The following PTPN4 variants were observed in gnomAD, a reference collection of about 807,000 sequenced individuals.
PTPN4 encodes tyrosine-protein phosphatase non-receptor type 4.
PTPN4 carries 49 observed loss-of-function variants against 135.5 expected under a neutral mutation model. The ratio of observed to expected loss-of-function variants is 0.36; its 90% CI spans 0.29 to 0.46. The LOEUF (loss-of-function observed/expected upper bound fraction) is 0.46, where lower values mean the gene tolerates loss of function less well. Ranked by LOEUF, PTPN4 falls within the 20% of genes least tolerant of loss-of-function variation. The pLI, the probability that PTPN4 is intolerant of heterozygous loss-of-function variation, is 1.00. For missense variants in PTPN4, 860 were observed against 1,101.0 expected (o/e 0.78, Z 3.10); for synonymous variants, 333 against 369.9 (o/e 0.90, Z 1.14).
chr2:119,976,894 GC>G, intron 26 of PTPN4, 89 bp from the exon 27 acceptor site: 1 of 1,517,278 alleles, frequency 6.6e-7, no homozygotes, highest in East Asian at 2.4e-5. Context: ...AAGTAAGCAA[GC>G]CAAGTGAGAT....
At chr2:119,955,432 A>G in intron 20 of PTPN4, 109 bp downstream of exon 20, 3 of 967,716 alleles carry the variant, frequency 3.1e-6, no homozygotes, top group Non-Finnish European at 4.1e-6. Context: ...CTAAAATGAT[A>G]TTCTGAGAAA....
chr2:119,769,005 A>T (rs918484509), intron 1 of PTPN4, among the ~76,000 whole-genome samples: 2 of 152,202 alleles, frequency 1.3e-5, no homozygotes, highest in African/African-American at 4.8e-5. Context: ...TATCTGTGGA[A>T]TCCAAAGTGG....
intron 1 of PTPN4, among the ~76,000 whole-genome samples, chr2:119,788,253 G>T (rs1236999065): frequency 1.3e-5 from 2 of 152,004 alleles, no homozygotes; most frequent in Non-Finnish European, 2.9e-5. Context: ...CCAATTGAGT[G>T]TATTTATTTA....
At position 119,977,236 on chromosome 2, in the gene PTPN4, C is replaced by T; in HGVS notation, c.*166C>T. 9 of 1,160,758 alleles carry T rather than the reference C, an allele frequency of 7.8e-6. No homozygotes were observed. The highest frequency in any genetic ancestry group is 1.0e-5 in the Non-Finnish European group (9 of 894,780). 71.9% of individuals were successfully genotyped at this position (1,160,758 alleles called of 1,614,324 possible). A position where few individuals can be genotyped will look rare whatever the true frequency, so the allele number is the denominator to read the frequency against. Reference sequence around the variant, plus strand: ...GCACTTTATGTTTTAAAAAATGTCACTCTTTCAAAATCTATAACTCATGTA... The same window carrying T: ...GCACTTTATGTTTTAAAAAATGTCATTCTTTCAAAATCTATAACTCATGTA... On this transcript the variant is annotated 3_prime_UTR_variant, in exon 27 of 27. Coordinates refer to ENST00000263708, the MANE Select transcript of PTPN4 (RefSeq NM_002830.4).
At chr2:119,850,944 A>G (rs1677581979) in intron 2 of PTPN4, among the ~76,000 whole-genome samples, 2 of 152,068 alleles carry the variant, frequency 1.3e-5, no homozygotes, top group African/African-American at 4.8e-5. Flanking sequence ...TACTATTAAT[A>G]TTTTTTGAGG....
chr2:119,974,071 A>C (rs1323388294), intron 26 of PTPN4, among the ~76,000 whole-genome samples: 1 of 152,178 alleles, frequency 6.6e-6, no homozygotes, highest in African/African-American at 2.4e-5. Flanking sequence ...CCCTTTATCT[A>C]TAAGCTTTCA....
intron 2 of PTPN4, among the ~76,000 whole-genome samples, chr2:119,826,447 A>T (rs1677146536): frequency 6.6e-6 from 1 of 152,222 alleles, no homozygotes. Context: ...TAAAGCAATG[A>T]TTCCTAAATG....
chr2:119,789,759 C>T (rs1691109344), intron 1 of PTPN4, among the ~76,000 whole-genome samples: 1 of 152,110 alleles, frequency 6.6e-6, no homozygotes. Flanking sequence ...CAGAATCTCA[C>T]TCACTCAGGC....
intron 10 of PTPN4, among the ~76,000 whole-genome samples, chr2:119,907,611 G>GA (rs34031784): frequency 2.0e-5 from 3 of 150,532 alleles, no homozygotes; most frequent in African/African-American, 7.3e-5. Flanking sequence ...TCTCTATTAA[G>GA]AAAAAAAAAA....
In PTPN4 at chr2:119,980,767, A is replaced by T. The variant is rs1043042274; in HGVS notation, c.*3697A>T. ...AGGACCCCCACTCAGTTTGCTAGTC[A>T]TGCCTGCCTGACAGAACATAAGCTT... On this transcript the variant is annotated 3_prime_UTR_variant, in exon 27 of 27. Transcript: ENST00000263708. 1 of 152,054 alleles carries T rather than the reference A, an allele frequency of 6.6e-6. No individual in the cohort carries two copies. The highest frequency in any genetic ancestry group is 2.4e-5 in the African/African-American group (1 of 41,448). 9.4% of individuals were successfully genotyped at this position (152,054 alleles called of 1,614,324 possible). A position where few individuals can be genotyped will look rare whatever the true frequency, so the allele number is the denominator to read the frequency against.
chr2:119,868,907 G>A (rs1000050201), intron 3 of PTPN4, among the ~76,000 whole-genome samples: 2 of 152,108 alleles, frequency 1.3e-5, no homozygotes, highest in African/African-American at 4.8e-5. Flanking sequence ...CTGTGTGTGT[G>A]TCTTTAATTC....
rs953383188 is a variant in PTPN4, at chr2:119,982,525, T to C, written c.*5455T>C. The C allele has an allele frequency of 1.7e-4, 26 of 152,240 alleles. No individual in the cohort carries two copies. Among genetic ancestry groups the C allele is most frequent in the African/African-American group, 6.3e-4 (26 of 41,464 alleles). 9.4% of individuals were successfully genotyped at this position (152,240 alleles called of 1,614,324 possible). ...CATTGAAGCATTTTCAGATATAATG[T>C]ACATTCTTTTTCATTTTGCTTTGCC... On this transcript the variant is annotated 3_prime_UTR_variant, in exon 27 of 27. Transcript: ENST00000263708.
At chr2:119,958,267 G>A (rs1679317080) in intron 22 of PTPN4, among the ~76,000 whole-genome samples, 1 of 150,610 alleles carries the variant, frequency 6.6e-6, no homozygotes, top group Admixed American at 6.6e-5. Context: ...AGCCTGAGAG[G>A]TTGAGGCTGC....
chr2:119,919,914 A>G, intron 11 of PTPN4, among the ~76,000 whole-genome samples, 155 bp from the exon 12 acceptor site: 1 of 152,138 alleles, frequency 6.6e-6, no homozygotes, highest in East Asian at 1.9e-4. Context: ...ATAAGCAAAA[A>G]AGATCCTAGA....
At chr2:119,908,180 T>C (rs1218366048) in intron 10 of PTPN4, among the ~76,000 whole-genome samples, 1 of 151,878 alleles carries the variant, frequency 6.6e-6, no homozygotes, top group Non-Finnish European at 1.5e-5. Flanking sequence ...CTGGAGAAAA[T>C]ATTTGCAAAT....
intron 3 of PTPN4, among the ~76,000 whole-genome samples, chr2:119,870,943 C>T (rs908232532): frequency 6.6e-6 from 1 of 151,654 alleles, no homozygotes; most frequent in Non-Finnish European, 1.5e-5. Flanking sequence ...AGAGTATACA[C>T]TGAGGACAAA....
intron 1 of PTPN4, among the ~76,000 whole-genome samples, chr2:119,805,749 G>A (rs1691455687): frequency 6.6e-6 from 1 of 152,158 alleles, no homozygotes; most frequent in South Asian, 2.1e-4. Context: ...GCTTAGGATT[G>A]TCTTGGCAAC....
intron 1 of PTPN4, among the ~76,000 whole-genome samples, chr2:119,776,921 G>A (rs1479795078): frequency 6.6e-6 from 1 of 152,218 alleles, no homozygotes; most frequent in Non-Finnish European, 1.5e-5. Context: ...GCAGGGGTCA[G>A]TGCCCCTAAA....
chr2:119,915,139 A>C, intron 10 of PTPN4, 40 bp from the exon 11 acceptor site: 2 of 1,426,810 alleles, frequency 1.4e-6, no homozygotes, highest in Non-Finnish European at 9.4e-7. Context: ...TATTTTTATC[A>C]TTATTCAATA....
Sources: allele counts gnomAD v4.1 joint callset (sites outside exome capture counted in the v4.1 genomes callset), GRCh38; gene constraint gnomAD v4.1.1; transcripts MANE v1.5; gene names NCBI Gene and HGNC (gene_info 2026-07-23, HGNC 2026-07-21).